The following CCDC13 variants were observed in gnomAD, a reference collection of about 807,000 sequenced individuals.
CCDC13 encodes coiled-coil domain containing 13.
CCDC13 carries 70 observed loss-of-function variants against 87.3 expected under a neutral mutation model. The observed-to-expected ratio is 0.80, with a 90% CI of 0.66 to 0.98. The LOEUF (loss-of-function observed/expected upper bound fraction) is 0.98, where lower values mean the gene tolerates loss of function less well. Among genes scored for constraint, CCDC13 ranks in the 50% least tolerant of loss-of-function variants. The probability of loss-of-function intolerance (pLI) is 0.00; values close to 1 mark genes in which losing one functional copy is unlikely to be tolerated. For synonymous variants in CCDC13, 317 were observed against 360.3 expected, an observed-to-expected ratio of 0.88 and a Z score of 1.36; for missense variants, 842 against 892.0, an observed-to-expected ratio of 0.94 and a Z score of 0.71.
chr3:42,705,107 G>A (rs573754043), downstream of CCDC13, among the ~76,000 whole-genome samples: 6 of 152,288 alleles, frequency 3.9e-5, no homozygotes, highest in South Asian at 4.1e-4. Context: ...TCGTACATAC[G>A]TGTGTATATG....
intron 15 of CCDC13, 66 bp downstream of exon 15, chr3:42,709,618 T>C (rs576271055): frequency 1.6e-6 from 2 of 1,272,762 alleles, no homozygotes; most frequent in East Asian, 4.6e-5. Context: ...ACACAGTCCC[T>C]CTGCCCATGG....
intron 1 of CCDC13, among the ~76,000 whole-genome samples, chr3:42,766,354 G>A (rs546983107): frequency 6.6e-6 from 1 of 152,166 alleles, no homozygotes; most frequent in South Asian, 2.1e-4. Flanking sequence ...GAGTGAGGAG[G>A]TGGGAGAGAG....
chr3:42,765,688 G>C (rs537544627), intron 1 of CCDC13, among the ~76,000 whole-genome samples: 1 of 152,354 alleles, frequency 6.6e-6, no homozygotes, highest in East Asian at 1.9e-4. Flanking sequence ...AGGAGAGACA[G>C]GCATCTCAGT....
In CCDC13 at chr3:42,708,874, G is replaced by A; in HGVS notation, c.*106C>T. 1 of 1,197,448 alleles carries A rather than the reference G, an allele frequency of 8.4e-7. No individual in the cohort carries two copies. The highest frequency in any genetic ancestry group is 1.6e-5 in the South Asian group (1 of 61,410). 74.2% of individuals were successfully genotyped at this position (1,197,448 alleles called of 1,614,324 possible). A position where few individuals can be genotyped will look rare whatever the true frequency, so the allele number is the denominator to read the frequency against. ...TCTTCTGGTAGAAGTGGTTGAGCTG[G>A]CTGCCCTGGGCTGGCTTCCCGGAGC... On this transcript the variant is annotated 3_prime_UTR_variant, in exon 16 of 16. Coordinates refer to ENST00000310232, the MANE Select transcript of CCDC13 (RefSeq NM_144719.4).
At chr3:42,730,394 CATAA>C in intron 13 of CCDC13, 69 bp downstream of exon 13, 1 of 1,569,648 alleles carries the variant, frequency 6.4e-7, no homozygotes, top group South Asian at 1.2e-5. Context: ...AGGACCCAGT[CATAA>C]ATGAGGCCTG....
intron 13 of CCDC13, among the ~76,000 whole-genome samples, chr3:42,722,275 G>A (rs1023922929): frequency 4.6e-5 from 7 of 152,192 alleles, no homozygotes; most frequent in Admixed American, 3.3e-4. Flanking sequence ...GCCTGGAGAA[G>A]TTACAAAAGA....
chr3:42,727,569 A>T (rs565448451), intron 13 of CCDC13, among the ~76,000 whole-genome samples: 8 of 152,182 alleles, frequency 5.3e-5, no homozygotes, highest in Non-Finnish European at 1.0e-4. Context: ...AAGGAAACGA[A>T]TATTCACTAT....
chr3:42,720,811 G>C (rs1698542957), intron 13 of CCDC13, among the ~76,000 whole-genome samples: 1 of 152,144 alleles, frequency 6.6e-6, no homozygotes, highest in African/African-American at 2.4e-5. Flanking sequence ...TTAAACATTG[G>C]AATAAAAGCA....
intron 9 of CCDC13, among the ~76,000 whole-genome samples, chr3:42,737,534 T>C (rs1211308378): frequency 1.3e-5 from 2 of 152,190 alleles, no homozygotes; most frequent in African/African-American, 4.8e-5. Context: ...CCACCAACAG[T>C]GTAAAAGCAT....
rs1382932267 is a variant in CCDC13 at position 42,705,867 on chromosome 3, C to T, written c.*3113G>A. 1.3e-5 allele frequency among the ~76,000 whole-genome samples: 2 copies of T among 152,186 alleles called. No homozygotes were observed. Among genetic ancestry groups the T allele is most frequent in the Non-Finnish European group, 2.9e-5 (2 of 68,028 alleles). The stretch of plus-strand genomic sequence containing the variant: ...TTCCCTTGAAAATCCTTCTCCCAGG[C>T]TCTCCCCACCTTCCCTTTACTCCTC... On this transcript the variant is annotated 3_prime_UTR_variant, in exon 16 of 16. Transcript: ENST00000310232.
At chr3:42,771,830 G>A (rs1191577891) in intron 1 of CCDC13, among the ~76,000 whole-genome samples, 1 of 152,110 alleles carries the variant, frequency 6.6e-6, no homozygotes, top group Non-Finnish European at 1.5e-5. Context: ...TAACATACCA[G>A]TATAGTTGTA....
At chr3:42,752,110 T>G in intron 4 of CCDC13, 85 bp from the exon 5 acceptor site, 1 of 1,188,290 alleles carries the variant, frequency 8.4e-7, no homozygotes, top group Non-Finnish European at 1.2e-6. Context: ...GTGTGTGTGG[T>G]TACCTATCTT....
intron 7 of CCDC13, 29 bp from the exon 8 acceptor site, chr3:42,743,086 A>C: frequency 1.2e-6 from 2 of 1,612,472 alleles, no homozygotes; most frequent in South Asian, 2.2e-5. Context: ...GTCGTTCCAC[A>C]ATGGGTCTTC....
Position 42,707,151 on chromosome 3 carries a change from CA to C in CCDC13, c.*1828del. On this transcript the variant is annotated 3_prime_UTR_variant, in exon 16 of 16. Coordinates refer to ENST00000310232, the MANE Select transcript of CCDC13 (RefSeq NM_144719.4). ...CACTGAGGCCAGAGCCTGTACCCCTCATACTCAGATCACCCTCTGGAGCTCC... is the reference window on the plus strand; with the variant it reads ...CACTGAGGCCAGAGCCTGTACCCCTCTACTCAGATCACCCTCTGGAGCTCC... Among the ~76,000 whole-genome samples the C allele has an allele frequency of 6.6e-6, 1 of 152,300 alleles. No homozygotes were observed. The highest frequency in any genetic ancestry group is 1.9e-4 in the East Asian group (1 of 5,182).
intron 8 of CCDC13, 102 bp from the exon 9 acceptor site, chr3:42,739,912 G>A (rs1394648341): frequency 1.2e-5 from 14 of 1,124,766 alleles, no homozygotes; most frequent in African/African-American, 1.2e-4. Context: ...GGCTGGGGGT[G>A]GGGGTGCTTG....
intron 2 of CCDC13, 43 bp downstream of exon 2, chr3:42,758,081 AC>A: frequency 6.6e-7 from 1 of 1,519,018 alleles, no homozygotes. Context: ...ACACACACAC[AC>A]ACACACACAC....
intron 13 of CCDC13, among the ~76,000 whole-genome samples, chr3:42,723,855 T>C (rs942169037): frequency 6.6e-6 from 1 of 152,164 alleles, no homozygotes; most frequent in African/African-American, 2.4e-5. Flanking sequence ...TAAAATATTC[T>C]GTAACCATAA....
At position 42,713,319 on chromosome 3, in the gene CCDC13, G is replaced by C. The variant is rs755874084; in HGVS notation, c.1719-3C>G. On this transcript the variant is annotated splice_polypyrimidine_tract_variant and splice_region_variant and intron_variant, in intron 13 of 15. Transcript: ENST00000310232. The stretch of plus-strand genomic sequence containing the variant: ...GCTTGCTGTTGCTCTCCTCCACCCT[G>C]GTGATTAGAGAGGAGGGGATGCTAC... The C allele has an allele frequency of 6.2e-7, 1 of 1,613,494 alleles. No individual in the cohort carries two copies. Among genetic ancestry groups the C allele is most frequent in the South Asian group, 1.1e-5 (1 of 90,996 alleles).
chr3:42,749,754 GT>G (rs1000553105), intron 5 of CCDC13: 6 of 396,830 alleles, frequency 1.5e-5, no homozygotes, highest in Non-Finnish European at 3.1e-5. Flanking sequence ...ACCCGAGGCT[GT>G]TTTCTTTGAG....
Sources: gnomAD v4.1 joint callset for allele counts (sites outside exome capture counted in the v4.1 genomes callset) on GRCh38, gnomAD v4.1.1 for gene constraint, MANE v1.5 for transcripts, NCBI Gene and HGNC (gene_info 2026-07-23, HGNC 2026-07-21) for gene names.